FNDC3A: variants seen among roughly 807,000 people sequenced by gnomAD.
FNDC3A encodes the protein fibronectin type III domain containing 3A.
A neutral mutation model predicts 148.9 loss-of-function variants in FNDC3A; 32 were observed. The ratio of observed to expected loss-of-function variants is 0.21; its 90% CI spans 0.16 to 0.29. The LOEUF (loss-of-function observed/expected upper bound fraction) is 0.29. Ranked by LOEUF, FNDC3A falls within the 10% of genes least tolerant of loss-of-function variation. The pLI is 1.00. For synonymous variants in FNDC3A, 472 were observed against 473.6 expected (o/e 1.00, Z 0.04); for missense variants, 1,191 against 1,452.8 (o/e 0.82, Z 2.93).
Position 49,208,713 on chromosome 13 carries a change from C to T in FNDC3A, c.*1318C>T, listed in dbSNP as rs559115300. The T allele has an allele frequency of 6.5e-6, 1 of 152,740 alleles. No individual in the cohort carries two copies. Among genetic ancestry groups the T allele is most frequent in the South Asian group, 2.1e-4 (1 of 4,830 alleles). The allele number at this position is 152,740 out of a possible 1,614,324, so 9.5% of individuals were successfully genotyped here. A position where few individuals can be genotyped will look rare whatever the true frequency, so the allele number is the denominator to read the frequency against. On this transcript the variant is annotated 3_prime_UTR_variant, in exon 26 of 26. Transcript: ENST00000492622. ...ATAATACAGTTTATAATGAAACTAT[C>T]TACAATTCTTGTTTTAGCACATCTG...
At chr13:49,190,135 C>T (rs1885807260) in intron 17 of FNDC3A, among the ~76,000 whole-genome samples, 1 of 152,168 alleles carries the variant, frequency 6.6e-6, no homozygotes, top group Admixed American at 6.5e-5. Context: ...ATCCACCCGC[C>T]TCAGCCTCCC....
At chr13:48,988,567 T>G (rs995469825) in intron 1 of FNDC3A, among the ~76,000 whole-genome samples, 3 of 152,130 alleles carry the variant, frequency 2.0e-5, no homozygotes, top group Non-Finnish European at 2.9e-5. Context: ...TATGGCCAGG[T>G]GCTTGGCTCA....
At chr13:49,191,142 AAT>A in intron 18 of FNDC3A, 22 bp downstream of exon 18, 1 of 1,604,242 alleles carries the variant, frequency 6.2e-7, no homozygotes, top group Non-Finnish European at 8.5e-7. Flanking sequence ...TTTGGTAATA[AAT>A]TATAATTAAG....
chr13:49,010,627 C>T (rs563142539), intron 2 of FNDC3A, among the ~76,000 whole-genome samples: 8 of 152,148 alleles, frequency 5.3e-5, no homozygotes, highest in East Asian at 1.9e-4. Flanking sequence ...TAGAAAAGTA[C>T]GTAAAATAAG....
At chr13:49,187,726 G>T in intron 16 of FNDC3A, 1 of 1,240,178 alleles carries the variant, frequency 8.1e-7, no homozygotes, top group Non-Finnish European at 1.2e-6. Context: ...TGAAATGGCG[G>T]CACCTCACCA....
chr13:49,147,846 C>T (rs1198963784), intron 8 of FNDC3A, among the ~76,000 whole-genome samples: 4 of 152,128 alleles, frequency 2.6e-5, no homozygotes, highest in African/African-American at 9.7e-5. Flanking sequence ...AACATTCCAC[C>T]AACAGTGTAT....
chr13:49,200,848 CACT>C, intron 23 of FNDC3A, among the ~76,000 whole-genome samples: 1 of 151,982 alleles, frequency 6.6e-6, no homozygotes, highest in East Asian at 1.9e-4. Context: ...CAACTATATA[CACT>C]TGCTGTGGGA....
chr13:49,013,548 G>GTATACATATGTACACGTGTATACATGTA (rs1952410940), intron 2 of FNDC3A, among the ~76,000 whole-genome samples: 1 of 151,330 alleles, frequency 6.6e-6, no homozygotes, highest in Non-Finnish European at 1.5e-5. Flanking sequence ...GTGTACATGT[G>GTATACATATGTACACGTGTATACATGTA]TATACATATG....
At chr13:49,011,871 T>A (rs575351460) in intron 2 of FNDC3A, among the ~76,000 whole-genome samples, 1 of 152,204 alleles carries the variant, frequency 6.6e-6, no homozygotes, top group South Asian at 2.1e-4. Flanking sequence ...AAAAATATAT[T>A]CTAAAAACTA....
chr13:49,058,793 T>C (rs1232001349), intron 2 of FNDC3A, among the ~76,000 whole-genome samples: 1 of 152,234 alleles, frequency 6.6e-6, no homozygotes, highest in Admixed American at 6.5e-5. Context: ...CATCTTTTAG[T>C]ATGTTGTCTA....
At chr13:48,995,980 AT>A in intron 1 of FNDC3A, among the ~76,000 whole-genome samples, 1 of 152,326 alleles carries the variant, frequency 6.6e-6, no homozygotes, top group Non-Finnish European at 1.5e-5. Context: ...AGAAGTCTAA[AT>A]TGGAAAAGTA....
intron 1 of FNDC3A, among the ~76,000 whole-genome samples, chr13:48,978,806 A>T (rs1951648036): frequency 6.6e-6 from 1 of 152,182 alleles, no homozygotes; most frequent in Admixed American, 6.5e-5. Context: ...GCAAAACAAG[A>T]AATATGGCTC....
chr13:49,021,439 A>G (rs1873320019), intron 2 of FNDC3A, among the ~76,000 whole-genome samples: 1 of 152,188 alleles, frequency 6.6e-6, no homozygotes. Flanking sequence ...GAACTGCCAG[A>G]CAGGTCAAAT....
rs1008055927 is a variant in FNDC3A, at chr13:48,976,131, A to C, written c.-86A>C. ...GACAACGATCAGGAACCCTAAGAAG[A>C]GGCGCCAGAGGAGCCGCCTTCTGCC... On this transcript the variant is annotated 5_prime_UTR_variant, in exon 1 of 26. Coordinates refer to ENST00000492622, the MANE Select transcript of FNDC3A (RefSeq NM_001079673.2). 1 of 152,110 alleles carries C rather than the reference A, an allele frequency of 6.6e-6. No individual in the cohort carries two copies. The highest frequency in any genetic ancestry group is 2.4e-5 in the African/African-American group (1 of 41,406). 9.4% of individuals were successfully genotyped at this position (152,110 alleles called of 1,614,324 possible). A position where few individuals can be genotyped will look rare whatever the true frequency, so the allele number is the denominator to read the frequency against.
intron 15 of FNDC3A, 25 bp from the exon 16 acceptor site, chr13:49,187,097 A>G: frequency 6.4e-7 from 1 of 1,566,242 alleles, no homozygotes; most frequent in Non-Finnish European, 8.8e-7. Flanking sequence ...TACCTTGCCT[A>G]ATACTACTTT....
intron 8 of FNDC3A, among the ~76,000 whole-genome samples, chr13:49,162,754 C>G (rs1001962556): frequency 6.6e-6 from 1 of 152,166 alleles, no homozygotes; most frequent in Non-Finnish European, 1.5e-5. Flanking sequence ...GTTTTATCTA[C>G]CTTTGGTCTT....
chr13:49,122,555 A>G (rs2137900610), intron 4 of FNDC3A, among the ~76,000 whole-genome samples: 2 of 152,264 alleles, frequency 1.3e-5, no homozygotes, highest in East Asian at 3.9e-4. Flanking sequence ...AGGAAGTCAA[A>G]TTGTCTCTCT....
At chr13:49,012,983 G>C (rs369706058) in intron 2 of FNDC3A, among the ~76,000 whole-genome samples, 2 of 152,006 alleles carry the variant, frequency 1.3e-5, no homozygotes, top group African/African-American at 4.8e-5. Flanking sequence ...TATTAAGCAT[G>C]ATGTTTATTA....
At chr13:49,003,417 T>C (rs189431995) in intron 1 of FNDC3A, among the ~76,000 whole-genome samples, 1 of 152,262 alleles carries the variant, frequency 6.6e-6, no homozygotes, top group Admixed American at 6.5e-5. Flanking sequence ...TTTTTCTATC[T>C]TTTTTTAAAA....
Sources: allele counts gnomAD v4.1 joint callset (sites outside exome capture counted in the v4.1 genomes callset), GRCh38; gene constraint gnomAD v4.1.1; transcripts MANE v1.5; gene names NCBI Gene and HGNC (gene_info 2026-07-23, HGNC 2026-07-21).